Variants in MTUS1 observed in about 807,000 individuals in gnomAD.
MTUS1 encodes the protein microtubule-associated tumor suppressor 1.
MTUS1 carries 109 observed loss-of-function variants against 120.8 expected under a neutral mutation model. The ratio of observed to expected loss-of-function variants is 0.90; its 90% CI spans 0.77 to 1.06. The LOEUF is 1.06. Among genes scored for constraint, MTUS1 ranks in the 50% least tolerant of loss-of-function variants. The pLI is 0.00. For missense variants in MTUS1, 2,210 were observed against 1,486.3 expected, an observed-to-expected ratio of 1.49 and a Z score of -8.01; for synonymous variants, 737 against 550.5, an observed-to-expected ratio of 1.34 and a Z score of -4.74.
intron 3 of MTUS1, among the ~76,000 whole-genome samples, chr8:17,729,146 C>G (rs970904154): frequency 6.6e-6 from 1 of 152,162 alleles, no homozygotes; most frequent in Non-Finnish European, 1.5e-5. Flanking sequence ...TCCTTAAATA[C>G]AACTCAACTA....
In MTUS1 at chr8:17,754,731, C is replaced by A. The variant is rs1470094309; in HGVS notation, c.1077G>T (p.Lys359Asn). 1 of 1,614,094 alleles carries A rather than the reference C, an allele frequency of 6.2e-7. No homozygotes were observed. Among genetic ancestry groups the A allele is most frequent in the Non-Finnish European group, 8.5e-7 (1 of 1,180,048 alleles). ...ECPLMVPAFD[K>N]SEAQVLNPEH... Reference sequence around the variant, plus strand: ...CTGGGTTCAGCACTTGAGCTTCGCTCTTATCAAAAGCTGGCACCATTAAAG... The same window carrying A: ...CTGGGTTCAGCACTTGAGCTTCGCTATTATCAAAAGCTGGCACCATTAAAG... The change falls in exon 2 of 15, where the codon AAG (lysine) becomes AAT (asparagine). Residue 359 changes from lysine (K) to asparagine (N), a missense_variant. Transcript: ENST00000693296.
At chr8:17,652,303 AT>A (rs1368398365) in intron 12 of MTUS1, among the ~76,000 whole-genome samples, 6 of 152,378 alleles carry the variant, frequency 3.9e-5, no homozygotes, top group Middle Eastern at 3.4e-3. Context: ...AATATTATTC[AT>A]CCATAAAAAG....
chr8:17,647,878 C>G lies in MTUS1; in HGVS notation c.3502-799G>C, dbSNP rs556944558. Reference sequence around the variant, plus strand: ...AGCTCCGTCAGGATTAAGTCTAAGTCCTTGTCCTTGTAGCAGGACTAACGC... The same window carrying G: ...AGCTCCGTCAGGATTAAGTCTAAGTGCTTGTCCTTGTAGCAGGACTAACGC... On this transcript the variant is annotated intron_variant, in intron 13 of 14. Coordinates refer to ENST00000693296, the MANE Select transcript of MTUS1 (RefSeq NM_001363059.2). Among the ~76,000 whole-genome samples the G allele has an allele frequency of 7.2e-5, 11 of 152,298 alleles. 1 individual carries two copies. The highest frequency in any genetic ancestry group is 2.6e-4 in the African/African-American group (11 of 41,558).
intron 8 of MTUS1, among the ~76,000 whole-genome samples, chr8:17,658,010 A>G (rs1273890973): frequency 9.1e-6 from 1 of 110,072 alleles, no homozygotes; most frequent in Admixed American, 1.0e-4. Context: ...ACACATATAT[A>G]CACTATATAT....
chr8:17,646,644 C>T (rs966965608), intron 14 of MTUS1, among the ~76,000 whole-genome samples: 1 of 152,226 alleles, frequency 6.6e-6, no homozygotes. Flanking sequence ...AGGCTGAGAG[C>T]CACTTTTGCA....
chr8:17,737,383 G>C (rs2047009681), intron 3 of MTUS1, among the ~76,000 whole-genome samples: 1 of 152,254 alleles, frequency 6.6e-6, no homozygotes, highest in African/African-American at 2.4e-5. Flanking sequence ...AAACATGTTA[G>C]TGACTAATAC....
intron 3 of MTUS1, among the ~76,000 whole-genome samples, chr8:17,738,249 C>T (rs1050155543): frequency 2.0e-5 from 3 of 152,300 alleles, no homozygotes; most frequent in Admixed American, 1.3e-4. Context: ...GCCTTTTCCC[C>T]ACCCATCACC....
At chr8:17,728,233 T>C (rs925295863) in intron 3 of MTUS1, among the ~76,000 whole-genome samples, 1 of 152,134 alleles carries the variant, frequency 6.6e-6, no homozygotes, top group Non-Finnish European at 1.5e-5. Flanking sequence ...ACAACTTGTG[T>C]TGTAGGAAGC....
chr8:17,673,453 T>A (rs111520777), intron 8 of MTUS1, among the ~76,000 whole-genome samples: 1 of 152,058 alleles, frequency 6.6e-6, no homozygotes, highest in African/African-American at 2.4e-5. Flanking sequence ...AAAGGGAAGA[T>A]GAATGCAGAG....
intron 1 of MTUS1, 69 bp downstream of exon 1, chr8:17,800,992 G>C (rs1046945633): frequency 2.0e-5 from 3 of 152,164 alleles, no homozygotes; most frequent in African/African-American, 7.3e-5. Context: ...CACCCTGGGC[G>C]GCGCGCTCGC....
At chr8:17,705,236 G>A (rs946495640) in intron 6 of MTUS1, among the ~76,000 whole-genome samples, 1 of 152,108 alleles carries the variant, frequency 6.6e-6, no homozygotes, top group Non-Finnish European at 1.5e-5. Context: ...CACCTGTCTT[G>A]GCCCCCCAAA....
At chr8:17,691,320 C>G (rs1816897329) in intron 6 of MTUS1, 1 of 152,254 alleles carries the variant, frequency 6.6e-6, no homozygotes, top group African/African-American at 2.4e-5. Context: ...GTGAGCAAAA[C>G]TTGCCATTCA....
intron 6 of MTUS1, among the ~76,000 whole-genome samples, chr8:17,695,068 A>T (rs1817685998): frequency 6.6e-6 from 1 of 152,154 alleles, no homozygotes; most frequent in Non-Finnish European, 1.5e-5. Flanking sequence ...TACCAACCCA[A>T]GTTACTGCTG....
Position 17,767,700 on chromosome 8 carries a change from T to TAAGAAAAAAAAAA in MTUS1, c.-154-11740_-154-11739insTTTTTTTTTTCTT, listed in dbSNP as rs1554533204. On this transcript the variant is annotated intron_variant, in intron 1 of 14. Coordinates refer to ENST00000693296, the MANE Select transcript of MTUS1 (RefSeq NM_001363059.2). The stretch of plus-strand genomic sequence containing the variant: ...GGTGATAGAGCAAGACCCTGTCTCT[T>TAAGAAAAAAAAAA]AAAAAAAAAAAAAAAAAACGGTGTG... Among the ~76,000 whole-genome samples, 49 of 87,870 alleles carry TAAGAAAAAAAAAA rather than the reference T, an allele frequency of 5.6e-4. 2 individuals carry two copies. The highest frequency in any genetic ancestry group is 2.4e-3 in the African/African-American group (47 of 19,660). 57.6% of individuals were successfully genotyped at this position (87,870 alleles called of 152,430 possible). A position where few individuals can be genotyped will look rare whatever the true frequency, so the allele number is the denominator to read the frequency against.
intron 2 of MTUS1, among the ~76,000 whole-genome samples, chr8:17,744,732 G>A (rs1369154233): frequency 4.7e-5 from 6 of 127,092 alleles, no homozygotes; most frequent in African/African-American, 1.5e-4. Context: ...TTTTAGTAGA[G>A]ATGAGGTTTC....
chr8:17,733,481 G>A (rs2046732779), intron 3 of MTUS1, among the ~76,000 whole-genome samples: 3 of 152,052 alleles, frequency 2.0e-5, no homozygotes, highest in South Asian at 2.1e-4. Flanking sequence ...ATTTGGTGGT[G>A]GTAAGATGAC....
intron 1 of MTUS1, among the ~76,000 whole-genome samples, chr8:17,787,579 C>G (rs2051410626): frequency 6.6e-6 from 1 of 152,144 alleles, no homozygotes; most frequent in African/African-American, 2.4e-5. Flanking sequence ...CAAGGAGCTC[C>G]TAAACTGACT....
intron 6 of MTUS1, among the ~76,000 whole-genome samples, chr8:17,703,397 GC>G (rs1442915112): frequency 2.6e-5 from 4 of 152,136 alleles, no homozygotes; most frequent in African/African-American, 9.7e-5. Context: ...ACTTTGGGAG[GC>G]TGTGGCGGGC....
In MTUS1 at chr8:17,751,529, G is replaced by C. The variant is rs139310620; in HGVS notation, c.2091+2188C>G. 1.8e-3 allele frequency among the ~76,000 whole-genome samples: 278 copies of C among 151,858 alleles called. 2 individuals carry two copies. Among genetic ancestry groups the C allele is most frequent in the African/African-American group, 6.5e-3 (268 of 41,472 alleles). ...ATGGAAATGTGCAAGAGGTAAACTAGCAAAATTAGAGAGCACTGTGCTTCA... is the reference window on the plus strand; with the variant it reads ...ATGGAAATGTGCAAGAGGTAAACTACCAAAATTAGAGAGCACTGTGCTTCA... On this transcript the variant is annotated intron_variant, in intron 2 of 14. Transcript: ENST00000693296.
Sources: allele counts gnomAD v4.1 joint callset (sites outside exome capture counted in the v4.1 genomes callset), GRCh38; gene constraint gnomAD v4.1.1; transcripts MANE v1.5; gene names NCBI Gene and HGNC (gene_info 2026-07-23, HGNC 2026-07-21).